MED22: variants seen among roughly 807,000 people sequenced by gnomAD.
MED22 encodes mediator complex subunit 22.
MED22 carries 22 observed loss-of-function variants against 22.7 expected under a neutral mutation model. The observed-to-expected ratio is 0.97, with a 90% CI of 0.69 to 1.38. MED22 has a LOEUF of 1.38. MED22 is among the 40% of genes most tolerant of loss of function. The probability of loss-of-function intolerance (pLI) is 0.00; values close to 1 mark genes in which losing one functional copy is unlikely to be tolerated. For synonymous variants in MED22, 134 were observed against 119.4 expected (o/e 1.12, Z -0.80); for missense variants, 247 against 263.0 (o/e 0.94, Z 0.42).
chr9:133,347,915 C>T lies in MED22; in HGVS notation c.-39+7G>A, dbSNP rs2129975029. On this transcript the variant is annotated splice_region_variant and intron_variant, in intron 1 of 4. Coordinates refer to ENST00000343730, the MANE Select transcript of MED22 (RefSeq NM_133640.5). ...CTCCATCCCCACCCCCCACCACACCCTCATACCCGCCCCAGCGCCCGCACA... is the reference window on the plus strand; with the variant it reads ...CTCCATCCCCACCCCCCACCACACCTTCATACCCGCCCCAGCGCCCGCACA... 4.0e-3 allele frequency: 943 copies of T among 234,016 alleles called. 7 individuals carry two copies. The highest frequency in any genetic ancestry group is 0.02 in the African/African-American group (818 of 40,468). 14.5% of individuals were successfully genotyped at this position (234,016 alleles called of 1,614,324 possible). A position where few individuals can be genotyped will look rare whatever the true frequency, so the allele number is the denominator to read the frequency against.
At chr9:133,344,095 T>A (rs1836100237) in intron 4 of MED22, 30 bp downstream of exon 4, 1 of 1,610,774 alleles carries the variant, frequency 6.2e-7, no homozygotes, top group East Asian at 2.2e-5. Context: ...AGGCTCCCGC[T>A]CTGCATGGGG....
At chr9:133,342,703 G>A (rs150148506) in intron 4 of MED22, 14,309 of 985,928 alleles carry the variant, frequency 0.015, 114 homozygotes, top group Non-Finnish European at 0.016. Flanking sequence ...CCCAGGGGGC[G>A]CTGGTGTGGA....
rs2129964240 is a variant in MED22 at position 133,345,199 on chromosome 9, G to A, written c.177C>T (p.Tyr59=). ...TGTTGGCGGCTCGCACATGCATCTC[G>A]TAATTGTCCTGTTCACCCTGAGTGG... is the stretch of plus-strand genomic sequence containing the variant. ...SRATQGEQDN[Y]EMHVRAANIV... is the part of the protein sequence containing the mutation. Residue 59 remains tyrosine (Y), a synonymous_variant, in exon 3 of 5, where the codon TAC becomes TAT. Transcript: ENST00000343730. 12 of 1,613,832 alleles carry A rather than the reference G, an allele frequency of 7.4e-6. No individual in the cohort carries two copies. The highest frequency in any genetic ancestry group is 6.7e-5 in the Admixed American group (4 of 59,982).
At chr9:133,343,546 G>T (rs369234473) in intron 4 of MED22, 1 of 1,239,150 alleles carries the variant, frequency 8.1e-7, no homozygotes, top group Non-Finnish European at 1.0e-6. Context: ...CAGCTCCGTG[G>T]ATAAGGCTGA....
intron 3 of MED22, among the ~76,000 whole-genome samples, chr9:133,344,850 C>T (rs1337818989): frequency 6.6e-6 from 1 of 152,162 alleles, no homozygotes; most frequent in Non-Finnish European, 1.5e-5. Context: ...CACAACTGAC[C>T]TTAGGAACTC....
At chr9:133,343,008 C>T (rs2129955593) in intron 4 of MED22, 76,268 of 986,230 alleles carry the variant, frequency 0.077, 3,034 homozygotes, top group Middle Eastern at 0.089. Context: ...TGAAACACCC[C>T]AGGACCCCTC....
intron 3 of MED22, 95 bp from the exon 4 acceptor site, chr9:133,344,428 G>T: frequency 7.8e-7 from 1 of 1,283,502 alleles, no homozygotes; most frequent in East Asian, 2.5e-5. Flanking sequence ...GCCTCTCTAG[G>T]AGCCTCAGCT....
Position 133,341,445 on chromosome 9 carries a change from A to C in MED22, c.*60T>G, listed in dbSNP as rs116002421. Reference sequence around the variant, plus strand: ...CTAGGCTGAGAGAAGCAAGGCTGTGAGGGCATCCAAAGGGCTGCCTCAGGT... The same window carrying C: ...CTAGGCTGAGAGAAGCAAGGCTGTGCGGGCATCCAAAGGGCTGCCTCAGGT... On this transcript the variant is annotated 3_prime_UTR_variant, in exon 5 of 5. Coordinates refer to ENST00000343730, the MANE Select transcript of MED22 (RefSeq NM_133640.5). The C allele has an allele frequency of 1.9e-4, 275 of 1,424,868 alleles. No individual in the cohort carries two copies. The African/African-American group carries it at 3.6e-3, about 19-fold the overall frequency. The allele number at this position is 1,424,868 out of a possible 1,614,324, so 88.3% of individuals were successfully genotyped here.
At position 133,345,243 on chromosome 9, in the gene MED22, C is replaced by G. The variant is rs1318768760; in HGVS notation, c.133G>C (p.Glu45Gln). Residue 45 changes from glutamate (E) to glutamine (Q), a missense_variant, in exon 3 of 5, where the codon GAG (glutamate) becomes CAG (glutamine). Coordinates refer to ENST00000343730, the MANE Select transcript of MED22 (RefSeq NM_133640.5). ...EIIKTAKIED[E>Q]TQVSRATQGE... ...TGAGTGGCCCGTGACACCTGCGTCTCGTCCTCAATCTGGGGGAAAACAAGA... is the reference window on the plus strand; with the variant it reads ...TGAGTGGCCCGTGACACCTGCGTCTGGTCCTCAATCTGGGGGAAAACAAGA... 6.2e-6 allele frequency: 10 copies of G among 1,613,994 alleles called. No homozygotes were observed. Among genetic ancestry groups the G allele is most frequent in the Non-Finnish European group, 8.5e-6 (10 of 1,180,006 alleles).
chr9:133,344,079 G>T, intron 4 of MED22, 46 bp downstream of exon 4: 1 of 1,605,112 alleles, frequency 6.2e-7, no homozygotes. Flanking sequence ...CCAGGCCCAG[G>T]TAGGCAGGCT....
rs2129943511 is a variant in MED22, at chr9:133,339,757, A to G, written c.*1748T>C. On this transcript the variant is annotated 3_prime_UTR_variant, in exon 5 of 5. Transcript: ENST00000343730. ...AATGTGGAGGCCACTGGTGACCTTA[A>G]TAGGTGTAGTTTTGCTAGAGTCATG... The G allele has an allele frequency of 6.9e-4, 148 of 213,552 alleles. No individual in the cohort carries two copies. Among genetic ancestry groups the G allele is most frequent in the Non-Finnish European group, 1.1e-3 (121 of 106,484 alleles). 13.2% of individuals were successfully genotyped at this position (213,552 alleles called of 1,614,324 possible).
In MED22 at chr9:133,341,491, G is replaced by A. The variant is rs2129948533; in HGVS notation, c.*14C>T. On this transcript the variant is annotated 3_prime_UTR_variant, in exon 5 of 5. Coordinates refer to ENST00000343730, the MANE Select transcript of MED22 (RefSeq NM_133640.5). ...CAGGTTTTGTTCCTGAGAACGAAGC[G>A]TGGCCCCGGAGGCTCAGGCGTGCTC... The A allele has an allele frequency of 5.4e-6, 8 of 1,479,912 alleles. No homozygotes were observed. The highest frequency in any genetic ancestry group is 1.5e-5 in the African/African-American group (1 of 67,680). The allele number at this position is 1,479,912 out of a possible 1,614,324, so 91.7% of individuals were successfully genotyped here.
chr9:133,345,215 C>T lies in MED22; in HGVS notation c.161G>A (p.Gly54Asp). The T allele has an allele frequency of 6.2e-7, 1 of 1,614,016 alleles. No homozygotes were observed. The highest frequency in any genetic ancestry group is 1.1e-5 in the South Asian group (1 of 91,070). The change falls in exon 3 of 5, where the codon GGT becomes GAT. Residue 54 changes from glycine to aspartate, a missense_variant. Transcript: ENST00000343730. ...DETQVSRATQGEQDNYEMHVR... is the reference protein window; with the variant it reads ...DETQVSRATQDEQDNYEMHVR... ...ATGCATCTCGTAATTGTCCTGTTCA[C>T]CCTGAGTGGCCCGTGACACCTGCGT...
chr9:133,347,927 C>T lies in MED22; in HGVS notation c.-44G>A, dbSNP rs2119071611. The T allele has an allele frequency of 7.6e-6, 2 of 263,084 alleles. No homozygotes were observed. Among genetic ancestry groups the T allele is most frequent in the South Asian group, 7.5e-5 (2 of 26,808 alleles). The allele number at this position is 263,084 out of a possible 1,614,324, so 16.3% of individuals were successfully genotyped here. A position where few individuals can be genotyped will look rare whatever the true frequency, so the allele number is the denominator to read the frequency against. ...CCCCCACCACACCCTCATACCCGCC[C>T]CAGCGCCCGCACACCAGACGCCGCG... On this transcript the variant is annotated 5_prime_UTR_variant, in exon 1 of 5. Coordinates refer to ENST00000343730, the MANE Select transcript of MED22 (RefSeq NM_133640.5).
At chr9:133,345,054 C>G in intron 3 of MED22, 118 bp downstream of exon 3, 1 of 954,662 alleles carries the variant, frequency 1.0e-6, no homozygotes, top group African/African-American at 1.6e-5. Flanking sequence ...CCTCCTTCTG[C>G]TCCTTCTCGG....
rs1835983433 is a variant in MED22, at chr9:133,340,881, G to C, written c.*624C>G. On this transcript the variant is annotated 3_prime_UTR_variant, in exon 5 of 5. Coordinates refer to ENST00000343730, the MANE Select transcript of MED22 (RefSeq NM_133640.5). ...ACCAAGGATGGTCCTGGACTGACAA[G>C]GAATGAGGAAGAAAGAGCAGCAATG... 1 of 152,360 alleles carries C rather than the reference G, an allele frequency of 6.6e-6. No homozygotes were observed. Among genetic ancestry groups the C allele is most frequent in the African/African-American group, 2.4e-5 (1 of 41,474 alleles). The allele number at this position is 152,360 out of a possible 1,614,324, so 9.4% of individuals were successfully genotyped here. A position where few individuals can be genotyped will look rare whatever the true frequency, so the allele number is the denominator to read the frequency against.
intron 1 of MED22, 26 bp downstream of exon 1, chr9:133,347,879 ACCCACCCCCCCTCCATC>A (rs1299119002): frequency 1.7e-4 from 4 of 23,536 alleles, no homozygotes; most frequent in Non-Finnish European, 3.6e-4. Context: ...CCGCCCACAC[ACCCACCCCCCCTCCATC>A]CCCACCCCCC....
rs1485501064 is a variant in MED22, at chr9:133,341,682, G to A, written c.426C>T (p.Cys142=). The A allele has an allele frequency of 8.7e-6, 14 of 1,606,896 alleles. No homozygotes were observed. Among genetic ancestry groups the A allele is most frequent in the East Asian group, 4.5e-5 (2 of 44,096 alleles). ...EEYYSSSSSL[C]EANDLPLCEA... ...CGCACAGAGGCAGGTCATTAGCTTC[G>A]CAAAGGCTTGAGCTTTTCCACCACC... Residue 142 remains cysteine (C), a synonymous_variant, in exon 5 of 5, where the codon TGC becomes TGT. Coordinates refer to ENST00000343730, the MANE Select transcript of MED22 (RefSeq NM_133640.5).
At chr9:133,347,218 C>CT (rs2129971200) in intron 1 of MED22, 7 of 154,070 alleles carry the variant, frequency 4.5e-5, no homozygotes, top group African/African-American at 1.7e-4. Flanking sequence ...GGAAGAGGTC[C>CT]TAAAAAGTGG....
Sources: allele counts gnomAD v4.1 joint callset (sites outside exome capture counted in the v4.1 genomes callset), GRCh38; gene constraint gnomAD v4.1.1; transcripts MANE v1.5; gene names NCBI Gene and HGNC (gene_info 2026-07-23, HGNC 2026-07-21).